WDPCP: variants seen among roughly 807,000 people sequenced by gnomAD.
The protein encoded by WDPCP is WD repeat containing planar cell polarity effector.
WDPCP carries 71 observed loss-of-function variants against 93.1 expected under a neutral mutation model. That is an observed-to-expected ratio of 0.76 (90% CI 0.63 to 0.93). WDPCP has a LOEUF of 0.93. Ranked by LOEUF, WDPCP falls within the 40% of genes least tolerant of loss-of-function variation. The pLI is 0.00. For synonymous variants in WDPCP, 315 were observed against 315.0 expected (o/e 1.00, Z 0.00); for missense variants, 844 against 887.4 (o/e 0.95, Z 0.62).
intron 6 of WDPCP, among the ~76,000 whole-genome samples, chr2:63,481,781 G>C (rs1287311979): frequency 6.6e-6 from 1 of 151,640 alleles, no homozygotes; most frequent in Admixed American, 6.6e-5. Context: ...ACTACAAATA[G>C]GATACAGTGA....
At chr2:63,213,207 G>C (rs967346937) in intron 14 of WDPCP, among the ~76,000 whole-genome samples, 4 of 152,114 alleles carry the variant, frequency 2.6e-5, no homozygotes, top group African/African-American at 4.8e-5. Context: ...TTCCAAAATT[G>C]ACCACATAGT....
intron 2 of WDPCP, among the ~76,000 whole-genome samples, chr2:63,693,480 T>TAGAC (rs1668918948): frequency 1.3e-5 from 2 of 149,492 alleles, no homozygotes; most frequent in South Asian, 2.1e-4. Flanking sequence ...GATAGATAGA[T>TAGAC]AGATAGAATT....
chr2:63,509,985 C>T (rs983648166), intron 1 of WDPCP, among the ~76,000 whole-genome samples: 3 of 151,978 alleles, frequency 2.0e-5, no homozygotes, highest in African/African-American at 4.8e-5. Flanking sequence ...GATTCACAGC[C>T]GAATTCTACC....
At chr2:63,673,074 T>A (rs1002683448) in intron 2 of WDPCP, among the ~76,000 whole-genome samples, 3 of 152,186 alleles carry the variant, frequency 2.0e-5, no homozygotes, top group Non-Finnish European at 2.9e-5. Context: ...TTTTAAACTA[T>A]GCACTTCTTT....
rs568788848 is a variant in WDPCP, at chr2:63,283,878, G to A, written c.1813-24469C>T. ...GATTCTGTTTGCTCCTGTATCTTAG[G>A]AGTAACTTAGAGAACAATGAGGAAT... is the stretch of plus-strand genomic sequence containing the variant. On this transcript the variant is annotated intron_variant, in intron 13 of 17. Transcript: ENST00000272321. 7.9e-5 allele frequency among the ~76,000 whole-genome samples: 12 copies of A among 152,312 alleles called. No individual in the cohort carries two copies. In the East Asian group the frequency reaches 2.1e-3, roughly 27 times the overall value.
rs571230896 is a variant in WDPCP at position 63,408,054 on chromosome 2, C to T, written c.826-3397G>A. On this transcript the variant is annotated intron_variant, in intron 9 of 17. Coordinates refer to ENST00000272321, the MANE Select transcript of WDPCP (RefSeq NM_015910.7). The stretch of plus-strand genomic sequence containing the variant: ...CTCTCTAATAGGCTCTGTAGTTTCA[C>T]GAAGAAAACGGGGTAAAAAGTGGAG... Among the ~76,000 whole-genome samples, 18 of 152,256 alleles carry T rather than the reference C, an allele frequency of 1.2e-4. No individual in the cohort carries two copies. The South Asian group carries it at 3.1e-3, about 26-fold the overall frequency.
intron 17 of WDPCP, among the ~76,000 whole-genome samples, chr2:63,152,272 CTT>C (rs530922242): frequency 5.0e-5 from 7 of 140,106 alleles, no homozygotes; most frequent in South Asian, 2.3e-4. Flanking sequence ...CCTGGCTACT[CTT>C]TTTTTTTTTT....
intron 13 of WDPCP, among the ~76,000 whole-genome samples, chr2:63,292,472 G>T (rs953846007): frequency 1.3e-5 from 2 of 152,094 alleles, no homozygotes; most frequent in Non-Finnish European, 2.9e-5. Context: ...GCCCAATGAG[G>T]ATGCTTAAGT....
intron 9 of WDPCP, among the ~76,000 whole-genome samples, chr2:63,423,429 T>G (rs1354179387): frequency 1.3e-5 from 2 of 152,230 alleles, no homozygotes; most frequent in Admixed American, 1.3e-4. Context: ...TTACTGCTCT[T>G]GAAAAATCCC....
intron 6 of WDPCP, among the ~76,000 whole-genome samples, chr2:63,483,452 C>T (rs968770875): frequency 5.9e-5 from 3 of 50,684 alleles, no homozygotes; most frequent in Non-Finnish European, 9.1e-5. Flanking sequence ...TGTAAACGAC[C>T]TCTGAAAAAT....
chr2:63,693,142 TTC>T (rs1368577539), intron 2 of WDPCP, among the ~76,000 whole-genome samples: 1 of 152,176 alleles, frequency 6.6e-6, no homozygotes, highest in Non-Finnish European at 1.5e-5. Context: ...CTTCCATGCA[TTC>T]ACTCATCAGA....
intron 17 of WDPCP, among the ~76,000 whole-genome samples, chr2:63,134,734 A>G (rs1670503692): frequency 6.6e-6 from 1 of 152,228 alleles, no homozygotes. Flanking sequence ...GTATGTATTT[A>G]AAAAATTATG....
At chr2:63,405,586 T>TGTGTGTGTGTG (rs1491184912) in intron 9 of WDPCP, among the ~76,000 whole-genome samples, 46 of 99,004 alleles carry the variant, frequency 4.6e-4, no homozygotes, top group African/African-American at 1.4e-3. Flanking sequence ...TGTGTGTGTG[T>TGTGTGTGTGTG]TGGCGGGGGT....
chr2:63,129,438 T>A (rs185458063), intron 17 of WDPCP, among the ~76,000 whole-genome samples: 95 of 152,350 alleles, frequency 6.2e-4, no homozygotes, highest in Non-Finnish European at 1.2e-3. Context: ...TTATCAACAC[T>A]TTTTGCTTTC....
chr2:63,278,445 C>T (rs532674003), intron 13 of WDPCP, among the ~76,000 whole-genome samples: 114 of 49,676 alleles, frequency 2.3e-3, no homozygotes, highest in African/African-American at 3.6e-3. Context: ...ATTGAAACAA[C>T]GCAAAAAAAA....
intron 14 of WDPCP, 127 bp from the exon 15 acceptor site, chr2:63,174,959 CTTG>C (rs769994221): frequency 5.9e-5 from 59 of 1,007,542 alleles, no homozygotes; most frequent in Non-Finnish European, 7.6e-5. Flanking sequence ...ATTTCAAAAT[CTTG>C]TTGTCCTAGT....
intron 2 of WDPCP, among the ~76,000 whole-genome samples, chr2:63,677,388 C>A (rs1239281866): frequency 1.3e-5 from 2 of 152,044 alleles, no homozygotes; most frequent in East Asian, 3.8e-4. Flanking sequence ...ACAGAAGATC[C>A]AGATACTGAA....
intron 12 of WDPCP, among the ~76,000 whole-genome samples, chr2:63,330,793 T>C (rs1308455694): frequency 6.6e-6 from 1 of 152,136 alleles, no homozygotes; most frequent in Admixed American, 6.5e-5. Flanking sequence ...TAGAACTGTT[T>C]TGCTGCATCT....
intron 10 of WDPCP, among the ~76,000 whole-genome samples, chr2:63,388,249 CAAG>C (rs1271874661): frequency 1.3e-5 from 2 of 152,086 alleles, no homozygotes; most frequent in African/African-American, 4.8e-5. Flanking sequence ...TGGTGATACC[CAAG>C]CAAACAGGGT....
Sources: gnomAD v4.1 joint callset for allele counts (sites outside exome capture counted in the v4.1 genomes callset) on GRCh38, gnomAD v4.1.1 for gene constraint, MANE v1.5 for transcripts, NCBI Gene and HGNC (gene_info 2026-07-23, HGNC 2026-07-21) for gene names.